FADS3: variants seen among roughly 807,000 people sequenced by gnomAD.
FADS3 encodes cytochrome b5-related protein.
A neutral mutation model predicts 60.4 loss-of-function variants in FADS3; 30 were observed. The observed-to-expected ratio is 0.50, with a 90% CI of 0.37 to 0.67. FADS3 has a LOEUF of 0.67. Among genes scored for constraint, FADS3 ranks in the 30% least tolerant of loss-of-function variants. FADS3 has a pLI of 0.00. For missense variants in FADS3, 432 were observed against 598.3 expected, an observed-to-expected ratio of 0.72 and a Z score of 2.90; for synonymous variants, 234 against 249.3, an observed-to-expected ratio of 0.94 and a Z score of 0.58.
At chr11:61,885,324 T>A (rs140159942) in intron 1 of FADS3, among the ~76,000 whole-genome samples, 243 of 152,184 alleles carry the variant, frequency 1.6e-3, no homozygotes, top group African/African-American at 5.5e-3. Context: ...ACCACACCCA[T>A]CTCTCATCAG....
At chr11:61,883,039 A>C (rs1938191139) in intron 1 of FADS3, among the ~76,000 whole-genome samples, 1 of 152,194 alleles carries the variant, frequency 6.6e-6, no homozygotes, top group Admixed American at 6.5e-5. Context: ...CAATTTTTTA[A>C]AAATTGTAGT....
In FADS3 at chr11:61,873,690, G is replaced by A; in HGVS notation, c.*124C>T. 2.7e-6 allele frequency: 2 copies of A among 729,104 alleles called. No individual in the cohort carries two copies. The highest frequency in any genetic ancestry group is 3.6e-4 in the Middle Eastern group (1 of 2,754). 45.2% of individuals were successfully genotyped at this position (729,104 alleles called of 1,614,324 possible). A position where few individuals can be genotyped will look rare whatever the true frequency, so the allele number is the denominator to read the frequency against. On this transcript the variant is annotated 3_prime_UTR_variant, in exon 12 of 12. Transcript: ENST00000278829. ...TGAGGGGGCCGAGGGGAAGACAACA[G>A]TACCAGGAGGGCAGGCAGGGCACCC...
chr11:61,891,115 G>C, intron 1 of FADS3, 54 bp downstream of exon 1: 1 of 1,451,974 alleles, frequency 6.9e-7, no homozygotes, highest in Admixed American at 2.0e-5. Context: ...TCACGCCCAC[G>C]ACCGAGCTCC....
In FADS3 at chr11:61,878,492, C is replaced by G. The variant is rs1245956357; in HGVS notation, c.747+20G>C. The G allele has an allele frequency of 1.9e-6, 3 of 1,610,906 alleles. No individual in the cohort carries two copies. Among genetic ancestry groups the G allele is most frequent in the Non-Finnish European group, 2.5e-6 (3 of 1,178,204 alleles). The stretch of plus-strand genomic sequence containing the variant: ...AGCTGCAGGCCCAGCCAGAGGTTGT[C>G]CACGTCCCTCCCCACCCACCTCGAC... On this transcript the variant is annotated intron_variant, in intron 5 of 11. Coordinates refer to ENST00000278829, the MANE Select transcript of FADS3 (RefSeq NM_021727.5).
Position 61,875,750 on chromosome 11 carries a change from G to T in FADS3, c.1286+101C>A, listed in dbSNP as rs56678037. 1,682 of 1,436,936 alleles carry T rather than the reference G, an allele frequency of 1.2e-3. 21 individuals are homozygous for T. In the East Asian group the frequency reaches 0.018, roughly 16 times the overall value. 89.0% of individuals were successfully genotyped at this position (1,436,936 alleles called of 1,614,324 possible). A position where few individuals can be genotyped will look rare whatever the true frequency, so the allele number is the denominator to read the frequency against. On this transcript the variant is annotated intron_variant, in intron 11 of 11. Transcript: ENST00000278829. ...AAGGGCATGGGACGTGGACAGAAAG[G>T]CTCAGGGACCCTGGGGGCTCAGCAT...
In FADS3 at chr11:61,891,271, C is replaced by G. The variant is rs1206834683; in HGVS notation, c.111G>C (p.Lys37Asn). 1 of 1,539,682 alleles carries G rather than the reference C, an allele frequency of 6.5e-7. No homozygotes were observed. Among genetic ancestry groups the G allele is most frequent in the East Asian group, 2.4e-5 (1 of 41,000 alleles). ...AGACGCGGCGCTCGATGACCAGCCA[C>G]TTGTCGCCGGGCTGGTCGTGCGCGC... Reference protein sequence around the residue: ...QIRAHDQPGDKWLVIERRVYD... With the variant: ...QIRAHDQPGDNWLVIERRVYD... Residue 37 changes from lysine to asparagine, a missense_variant, in exon 1 of 12, where the codon AAG (lysine) becomes AAC (asparagine). By Grantham distance (94) the Lys-to-Asn change is moderately conservative. Around this residue, in one of 5 missense-constraint regions of FADS3, gnomAD observed 167 missense variants for 188.8 expected, o/e 0.88. Coordinates refer to ENST00000278829, the MANE Select transcript of FADS3 (RefSeq NM_021727.5).
At chr11:61,887,398 C>G (rs1218485250) in intron 1 of FADS3, among the ~76,000 whole-genome samples, 1 of 152,160 alleles carries the variant, frequency 6.6e-6, no homozygotes, top group East Asian at 1.9e-4. Context: ...CTGGAAGGCT[C>G]TGCCTTCACT....
chr11:61,880,261 A>G, intron 1 of FADS3, 110 bp from the exon 2 acceptor site: 1 of 804,234 alleles, frequency 1.2e-6, no homozygotes, highest in Non-Finnish European at 2.0e-6. Flanking sequence ...AGCAGACGAC[A>G]GGCGGACAGG....
intron 1 of FADS3, chr11:61,881,165 ACAT>A (rs1452611820): frequency 4.0e-5 from 6 of 151,898 alleles, no homozygotes; most frequent in African/African-American, 1.4e-4. Flanking sequence ...AAAAAAGAAA[ACAT>A]CATAAATAAA....
At position 61,876,827 on chromosome 11, in the gene FADS3, C is replaced by T; in HGVS notation, c.983+39G>A. ...TGGTGGGGGGCTGCAGTGGGGGTCA[C>T]CTGTCGCCTGTGTGTGACCTCGCCA... On this transcript the variant is annotated intron_variant, in intron 8 of 11. Transcript: ENST00000278829. This position sits in a 1 kb window ranked among gnomAD's most constrained non-coding sequence, Gnocchi z 5.7. 1 of 1,501,518 alleles carries T rather than the reference C, an allele frequency of 6.7e-7. No homozygotes were observed. The highest frequency in any genetic ancestry group is 9.1e-7 in the Non-Finnish European group (1 of 1,094,708). 93.0% of individuals were successfully genotyped at this position (1,501,518 alleles called of 1,614,324 possible).
At chr11:61,874,245 T>G (rs7115739) in intron 11 of FADS3, among the ~76,000 whole-genome samples, 131,859 of 152,228 alleles carry the variant, frequency 0.87, 58,235 homozygotes, top group Middle Eastern at 0.97. Flanking sequence ...CTGATATTGG[T>G]CAGTGGAGCC....
At position 61,877,039 on chromosome 11, in the gene FADS3, G is replaced by A; in HGVS notation, c.886-76C>T. 9.7e-7 allele frequency: 1 copy of A among 1,034,516 alleles called. No individual in the cohort carries two copies. The highest frequency in any genetic ancestry group is 1.6e-5 in the South Asian group (1 of 62,404). 64.1% of individuals were successfully genotyped at this position (1,034,516 alleles called of 1,614,324 possible). ...TCTGGAGGCCTGGTGGGTGGGAGGA[G>A]GACCTCAGGCATCCAACCCTTCTGC... is the stretch of plus-strand genomic sequence containing the variant. On this transcript the variant is annotated intron_variant, in intron 7 of 11. Coordinates refer to ENST00000278829, the MANE Select transcript of FADS3 (RefSeq NM_021727.5). This position sits in a 1 kb window ranked among gnomAD's most constrained non-coding sequence, Gnocchi z 4.7.
rs763816867 is a variant in FADS3, at chr11:61,876,046, C to T, written c.1160+65G>A. The T allele has an allele frequency of 1.1e-5, 18 of 1,609,298 alleles. No homozygotes were observed. In the African/African-American group the frequency reaches 1.2e-4, roughly 11 times the overall value. On this transcript the variant is annotated intron_variant, in intron 10 of 11. Transcript: ENST00000278829. The surrounding 1 kb of genome is among the most constrained non-coding windows in gnomAD (Gnocchi z 5.7). ...AGAGAGAGGCCCCACCCACGGGTCC[C>T]CTCCCAGGATCCCCTCCCAGGACCC... is the stretch of plus-strand genomic sequence containing the variant.
chr11:61,874,005 C>A (rs528168884), intron 11 of FADS3, 140 bp from the exon 12 acceptor site: 2 of 604,302 alleles, frequency 3.3e-6, no homozygotes, highest in Non-Finnish European at 6.0e-6. Flanking sequence ...GGCAGCGATG[C>A]GGGCTGGAGG....
At chr11:61,887,794 C>G (rs1411577602) in intron 1 of FADS3, among the ~76,000 whole-genome samples, 1 of 152,164 alleles carries the variant, frequency 6.6e-6, no homozygotes, top group Non-Finnish European at 1.5e-5. Flanking sequence ...CAATGAGTGC[C>G]GGAAATAAAC....
chr11:61,886,098 C>T (rs959403740), intron 1 of FADS3, among the ~76,000 whole-genome samples: 1 of 152,182 alleles, frequency 6.6e-6, no homozygotes, highest in Non-Finnish European at 1.5e-5. Context: ...CAAAAAGCTA[C>T]CCCTGTCCCC....
intron 11 of FADS3, among the ~76,000 whole-genome samples, chr11:61,874,515 T>A (rs1937796565): frequency 6.6e-6 from 1 of 152,224 alleles, no homozygotes; most frequent in Non-Finnish European, 1.5e-5. Context: ...CTCGCCTGGA[T>A]GGCTGCAGTG....
In FADS3 at chr11:61,888,280, G is replaced by A. The variant is rs181185076; in HGVS notation, c.213+2889C>T. Among the ~76,000 whole-genome samples, 6 of 152,346 alleles carry A rather than the reference G, an allele frequency of 3.9e-5. No homozygotes were observed. In the East Asian group the frequency reaches 5.8e-4, roughly 15 times the overall value. On this transcript the variant is annotated intron_variant, in intron 1 of 11. Coordinates refer to ENST00000278829, the MANE Select transcript of FADS3 (RefSeq NM_021727.5). The stretch of plus-strand genomic sequence containing the variant: ...ACTTGAGAACAGCTGATGGGCAGCC[G>A]GGGCTGGTGAGAGGTGACCGCTGGA...
intron 1 of FADS3, among the ~76,000 whole-genome samples, chr11:61,884,027 T>C (rs1938226506): frequency 6.6e-6 from 1 of 151,828 alleles, no homozygotes; most frequent in African/African-American, 2.4e-5. Context: ...GGAGTGCGAG[T>C]AGGGCAGGGG....
Sources: allele counts gnomAD v4.1 joint callset (sites outside exome capture counted in the v4.1 genomes callset), GRCh38; gene constraint gnomAD v4.1.1; regional missense constraint gnomAD v4.1.1; non-coding constraint Gnocchi (gnomAD v3.1); transcripts MANE v1.5; gene names NCBI Gene and HGNC (gene_info 2026-07-23, HGNC 2026-07-21).